OTOG: variants seen among roughly 807,000 people sequenced by gnomAD.
The protein encoded by OTOG is otogelin.
OTOG carries 296 observed loss-of-function variants against 313.8 expected under a neutral mutation model. The observed-to-expected ratio is 0.94, with a 90% CI of 0.86 to 1.04. OTOG has a LOEUF of 1.04. OTOG is among the 50% of genes least tolerant of loss of function. The pLI, the probability that OTOG is intolerant of heterozygous loss-of-function variation, is 0.00. For synonymous variants in OTOG, 1,533 were observed against 1,554.9 expected (o/e 0.99, Z 0.33); for missense variants, 3,948 against 3,840.1 (o/e 1.03, Z -0.74).
In OTOG at chr11:17,645,772, G is replaced by T. The variant is rs1445602997; in HGVS notation, c.8570G>T (p.Cys2857Phe). The T allele has an allele frequency of 9.0e-6, 14 of 1,550,876 alleles. No individual in the cohort carries two copies. Among genetic ancestry groups the T allele is most frequent in the Non-Finnish European group, 1.2e-5 (14 of 1,147,056 alleles). Residue 2857 changes from cysteine (C) to phenylalanine (F), a missense_variant, in exon 56 of 56, where the codon TGC becomes TTC. Physicochemically the swap from Cys to Phe is radical, Grantham distance 205. Transcript: ENST00000399397. ...PVNLVSCDGR[C>F]PSASIYNYNI... ...AACCTAGTGTCCTGCGATGGGAGGT[G>T]CCCATCCGCCAGCATCTACAACTAC... is the stretch of plus-strand genomic sequence containing the variant.
In OTOG at chr11:17,640,934, G is replaced by A; in HGVS notation, c.8033G>A (p.Ser2678Asn). The A allele has an allele frequency of 6.5e-7, 1 of 1,548,302 alleles. No individual in the cohort carries two copies. Among genetic ancestry groups the A allele is most frequent in the Non-Finnish European group, 8.7e-7 (1 of 1,146,926 alleles). Reference protein sequence around the residue: ...YECVKAPVCLSRELGVMQPGQ... With the variant: ...YECVKAPVCLNRELGVMQPGQ... ...CCAGTGAAGGCCCCGGTGTGTCTGA[G>A]CCGCGAGCTGGGTGTGATGCAGCCC... Residue 2678 changes from serine (S) to asparagine (N), a missense_variant, in exon 51 of 56, where the codon AGC becomes AAC. Physicochemically the swap from Ser to Asn is conservative, Grantham distance 46. Transcript: ENST00000399397.
intron 23 of OTOG, among the ~76,000 whole-genome samples, chr11:17,584,048 T>C (rs1852736207): frequency 6.6e-6 from 1 of 152,234 alleles, no homozygotes; most frequent in South Asian, 2.1e-4. Context: ...TTTTCATAGG[T>C]ATTTGCTGTT....
intron 11 of OTOG, 86 bp from the exon 12 acceptor site, chr11:17,559,448 T>A: frequency 6.6e-7 from 1 of 1,511,230 alleles, no homozygotes. Context: ...CTCCCTCCCA[T>A]CCTCACTCCA....
chr11:17,624,674 T>C (rs892727164), intron 39 of OTOG, among the ~76,000 whole-genome samples: 1 of 152,232 alleles, frequency 6.6e-6, no homozygotes, highest in Middle Eastern at 3.2e-3. Context: ...AAATAGTTTT[T>C]TTTTCTAGTT....
intron 38 of OTOG, 50 bp downstream of exon 38, chr11:17,612,815 G>C (rs539536820): frequency 2.0e-6 from 3 of 1,525,060 alleles, no homozygotes; most frequent in Admixed American, 4.0e-5. Flanking sequence ...ATGGGACTAG[G>C]ATAAGAGGGG....
At chr11:17,633,182 C>A (rs1854173276) in intron 42 of OTOG, among the ~76,000 whole-genome samples, 1 of 152,238 alleles carries the variant, frequency 6.6e-6, no homozygotes, top group Non-Finnish European at 1.5e-5. Flanking sequence ...CCAAAGGATT[C>A]TTTTGTAGTC....
At chr11:17,622,110 G>A (rs550759772) in intron 39 of OTOG, among the ~76,000 whole-genome samples, 64 of 152,290 alleles carry the variant, frequency 4.2e-4, no homozygotes, top group Admixed American at 3.1e-3. Flanking sequence ...CAGGCTAGGA[G>A]AGCCAGGGGC....
At chr11:17,641,780 C>T (rs1847975617) in intron 51 of OTOG, 67 bp from the exon 52 acceptor site, 2 of 1,184,120 alleles carry the variant, frequency 1.7e-6, no homozygotes, top group African/African-American at 1.5e-5. Context: ...TCACAGATAA[C>T]CAGGCAGTGG....
rs538252687 is a variant in OTOG, at chr11:17,561,777, C to A, written c.1614C>A (p.Thr538=). 1 of 1,550,506 alleles carries A rather than the reference C, an allele frequency of 6.4e-7. No homozygotes were observed. Among genetic ancestry groups the A allele is most frequent in the Non-Finnish European group, 8.7e-7 (1 of 1,146,968 alleles). Reference sequence around the variant, plus strand: ...AGAGCCGCTCTTCGGGCACCTTCACCGTGACATTGCAGAATGCCCCATGTG... The same window carrying A: ...AGAGCCGCTCTTCGGGCACCTTCACAGTGACATTGCAGAATGCCCCATGTG... ...LAKSRSSGTF[T]VTLQNAPCGL... Residue 538 remains threonine (T), a synonymous_variant, in exon 15 of 56, where the codon ACC becomes ACA. Coordinates refer to ENST00000399397, the MANE Select transcript of OTOG (RefSeq NM_001292063.2).
At chr11:17,551,890 C>A in intron 3 of OTOG, 110 bp from the exon 4 acceptor site, 2 of 934,210 alleles carry the variant, frequency 2.1e-6, no homozygotes, top group Non-Finnish European at 3.3e-6. Context: ...GGGGCAGGGG[C>A]TCCTCCCTCT....
rs1173711555 is a variant in OTOG at position 17,547,479 on chromosome 11, T to G, written c.94+13T>G. On this transcript the variant is annotated intron_variant, in intron 1 of 55. Transcript: ENST00000399397. ...GTGCAGCGCCTCGGTGAGAGGGTTG[T>G]GGACTCAGGGAGGTCGGGGGCTCGA... 1 of 1,355,502 alleles carries G rather than the reference T, an allele frequency of 7.4e-7. No individual in the cohort carries two copies. The allele number at this position is 1,355,502 out of a possible 1,614,324, so 84.0% of individuals were successfully genotyped here.
At chr11:17,629,566 C>T (rs1208995193) in intron 40 of OTOG, among the ~76,000 whole-genome samples, 2 of 152,202 alleles carry the variant, frequency 1.3e-5, no homozygotes, top group African/African-American at 4.8e-5. Context: ...GCTTCCCTGA[C>T]AGCCTTCTAA....
Position 17,634,289 on chromosome 11 carries a change from T to C in OTOG, c.7480+8T>C. 6.5e-7 allele frequency: 1 copy of C among 1,548,962 alleles called. No individual in the cohort carries two copies. Among genetic ancestry groups the C allele is most frequent in the South Asian group, 1.2e-5 (1 of 84,022 alleles). On this transcript the variant is annotated splice_region_variant and intron_variant, in intron 44 of 55. Transcript: ENST00000399397. ...GCCTGGGGACTGTCTGTGGTGAGTG[T>C]CCACCTTCACTTCCTTGGACGTCAA...
In OTOG at chr11:17,559,038, G is replaced by A. The variant is rs1461087150; in HGVS notation, c.1104-14G>A. ...GGGTTTTGTTCCAGTGTGACCCTTGGTTTCTCTGCACAGATCAATGGGTGA... is the reference window on the plus strand; with the variant it reads ...GGGTTTTGTTCCAGTGTGACCCTTGATTTCTCTGCACAGATCAATGGGTGA... On this transcript the variant is annotated splice_polypyrimidine_tract_variant and intron_variant, in intron 10 of 55. Transcript: ENST00000399397. The A allele has an allele frequency of 5.2e-6, 8 of 1,546,138 alleles. No individual in the cohort carries two copies. The highest frequency in any genetic ancestry group is 2.7e-5 in the African/African-American group (2 of 73,006).
At chr11:17,553,052 A>T (rs1475864729) in intron 4 of OTOG, 67 bp from the exon 5 acceptor site, 1 of 1,454,102 alleles carries the variant, frequency 6.9e-7, no homozygotes, top group African/African-American at 1.4e-5. Context: ...GAAGCCTGAG[A>T]GGGCTGCCTC....
chr11:17,610,020 C>T lies in OTOG; in HGVS notation c.4720C>T (p.Leu1574=). The T allele has an allele frequency of 1.3e-6, 2 of 1,547,374 alleles. No individual in the cohort carries two copies. The highest frequency in any genetic ancestry group is 2.7e-5 in the African/African-American group (2 of 73,094). The change falls in exon 36 of 56, where the codon CTG becomes TTG. Residue 1574 remains leucine (L), a synonymous_variant. Transcript: ENST00000399397. ...AGAGTCCTCATCCCTCCCTGTTGCA[C>T]TGCAGACACCCACACCTGGCATGGT... ...TPESSSLPVA[L]QTPTPGMVSG... is the part of the protein sequence containing the mutation.
intron 8 of OTOG, among the ~76,000 whole-genome samples, chr11:17,557,786 A>G (rs115964391): frequency 1.5e-3 from 228 of 152,254 alleles, no homozygotes; most frequent in African/African-American, 5.2e-3. Flanking sequence ...ACCATACTAA[A>G]CACTTTACAT....
At chr11:17,642,286 C>T in intron 53 of OTOG, 40 bp downstream of exon 53, 4 of 1,519,472 alleles carry the variant, frequency 2.6e-6, no homozygotes, top group Non-Finnish European at 3.6e-6. Context: ...AGGCCAGGGG[C>T]ATCAGCTGTC....
At chr11:17,559,848 GGAA>G (rs1174696945) in intron 12 of OTOG, among the ~76,000 whole-genome samples, 186 bp downstream of exon 12, 3 of 147,004 alleles carry the variant, frequency 2.0e-5, no homozygotes, top group African/African-American at 7.5e-5. Context: ...GAAAAAAGGA[GGAA>G]AGAAGGAAGG....
Sources: allele counts gnomAD v4.1 joint callset (sites outside exome capture counted in the v4.1 genomes callset), GRCh38; gene constraint gnomAD v4.1.1; transcripts MANE v1.5; gene names NCBI Gene and HGNC (gene_info 2026-07-23, HGNC 2026-07-21).